MYLK: variants seen among roughly 807,000 people sequenced by gnomAD.
MYLK encodes the protein myosin light chain kinase.
MYLK carries 106 observed loss-of-function variants against 203.4 expected under a neutral mutation model. The observed-to-expected ratio is 0.52, with a 90% CI of 0.45 to 0.61. The LOEUF (loss-of-function observed/expected upper bound fraction) is 0.61. Ranked by LOEUF, MYLK falls within the 20% of genes least tolerant of loss-of-function variation. The probability of loss-of-function intolerance (pLI) is 0.00; values close to 1 mark genes in which losing one functional copy is unlikely to be tolerated. For synonymous variants in MYLK, 867 were observed against 959.5 expected (o/e 0.90, Z 1.78); for missense variants, 2,072 against 2,442.3 (o/e 0.85, Z 3.20).
At chr3:123,625,806 CAA>C (rs11288924) in intron 31 of MYLK, among the ~76,000 whole-genome samples, 105 of 94,984 alleles carry the variant, frequency 1.1e-3, no homozygotes, top group Middle Eastern at 5.7e-3. Flanking sequence ...GACTCCATCT[CAA>C]AAAAAAAAAA....
intron 4 of MYLK, among the ~76,000 whole-genome samples, chr3:123,765,309 T>C (rs932570190): frequency 5.3e-5 from 8 of 152,116 alleles, no homozygotes; most frequent in Admixed American, 4.6e-4. Flanking sequence ...GGCAGGTGGA[T>C]CACCTGAGGT....
chr3:123,873,663 T>G (rs1362696334), intron 2 of MYLK, among the ~76,000 whole-genome samples: 1 of 152,090 alleles, frequency 6.6e-6, no homozygotes, highest in African/African-American at 2.4e-5. Context: ...GGGAAATAGT[T>G]AAGAGCAGAT....
chr3:123,709,317 T>A, intron 14 of MYLK: 1 of 236,142 alleles, frequency 4.2e-6, no homozygotes, highest in Non-Finnish European at 8.4e-6. Context: ...ATTTTTTGTA[T>A]TTTTTAGTAG....
intron 24 of MYLK, among the ~76,000 whole-genome samples, chr3:123,652,129 C>T (rs907113563): frequency 2.6e-5 from 4 of 152,030 alleles, no homozygotes; most frequent in Admixed American, 2.0e-4. Context: ...TCTGCTTTTC[C>T]CTTCTTGTCC....
intron 18 of MYLK, 90 bp downstream of exon 18, chr3:123,699,930 C>T: frequency 1.9e-6 from 3 of 1,576,496 alleles, no homozygotes; most frequent in African/African-American, 2.7e-5. Flanking sequence ...CTATGGGCTG[C>T]TAACAGGGGT....
intron 4 of MYLK, among the ~76,000 whole-genome samples, chr3:123,789,449 G>A (rs1666395605): frequency 6.6e-6 from 1 of 152,124 alleles, no homozygotes; most frequent in Non-Finnish European, 1.5e-5. Context: ...GCACATGGGG[G>A]AGGTTTGGCT....
At position 123,610,875 on chromosome 3, in the gene MYLK, A is replaced by G. The variant is rs930554499; in HGVS notation, c.*3230T>C. ...TCTTTACATAAATTTAGAGCTGACA[A>G]CAGTCAGCATGTCTTATTAGTTGCA... On this transcript the variant is annotated 3_prime_UTR_variant, in exon 34 of 34. Transcript: ENST00000360304. 6.6e-6 allele frequency: 1 copy of G among 152,234 alleles called. No homozygotes were observed. The highest frequency in any genetic ancestry group is 1.5e-5 in the Non-Finnish European group (1 of 68,038). The allele number at this position is 152,234 out of a possible 1,614,324, so 9.4% of individuals were successfully genotyped here.
chr3:123,805,596 G>A (rs988369086), intron 3 of MYLK, among the ~76,000 whole-genome samples: 1 of 152,150 alleles, frequency 6.6e-6, no homozygotes, highest in Admixed American at 6.5e-5. Flanking sequence ...AACACAGCTG[G>A]GGTAACCACC....
At chr3:123,670,675 C>T (rs762106849) in intron 20 of MYLK, among the ~76,000 whole-genome samples, 3 of 151,678 alleles carry the variant, frequency 2.0e-5, no homozygotes, top group Non-Finnish European at 2.9e-5. Context: ...CCCAGGAGTT[C>T]GAGGTTACAG....
chr3:123,875,556 T>G (rs911629010), intron 2 of MYLK, among the ~76,000 whole-genome samples: 1 of 152,218 alleles, frequency 6.6e-6, no homozygotes, highest in African/African-American at 2.4e-5. Context: ...TATGACTATA[T>G]ATACATTTGT....
intron 15 of MYLK, among the ~76,000 whole-genome samples, chr3:123,708,391 A>G (rs1576666841): frequency 6.6e-6 from 1 of 152,302 alleles, no homozygotes; most frequent in Non-Finnish European, 1.5e-5. Flanking sequence ...CCTATAACTC[A>G]CCTCAAAATC....
chr3:123,675,767 T>C (rs973417501), intron 20 of MYLK, among the ~76,000 whole-genome samples: 21 of 152,114 alleles, frequency 1.4e-4, no homozygotes, highest in African/African-American at 4.3e-4. Context: ...ACCCACCCCA[T>C]GAGGCTGTAT....
chr3:123,692,476 G>A (rs1292607138), intron 19 of MYLK: 3 of 1,126,118 alleles, frequency 2.7e-6, no homozygotes, highest in Non-Finnish European at 3.5e-6. Context: ...TTCTGGGTGT[G>A]GGGATCAGGA....
intron 3 of MYLK, among the ~76,000 whole-genome samples, chr3:123,823,777 C>T (rs560951969): frequency 2.0e-5 from 3 of 152,304 alleles, no homozygotes; most frequent in South Asian, 4.1e-4. Context: ...CATCACCCAG[C>T]TCTGGCTCAC....
At chr3:123,816,978 A>G (rs146564215) in intron 3 of MYLK, among the ~76,000 whole-genome samples, 221 of 152,340 alleles carry the variant, frequency 1.5e-3, no homozygotes, top group Non-Finnish European at 2.5e-3. Flanking sequence ...GTTAGCACTG[A>G]GATTTAAGTG....
chr3:123,870,925 C>T (rs145392858), intron 2 of MYLK, among the ~76,000 whole-genome samples: 22 of 152,310 alleles, frequency 1.4e-4, no homozygotes, highest in African/African-American at 5.1e-4. Context: ...ACTGCAGGAA[C>T]TCCAACTCCC....
At chr3:123,763,972 C>T (rs2063620688) in intron 4 of MYLK, among the ~76,000 whole-genome samples, 3 of 152,184 alleles carry the variant, frequency 2.0e-5, no homozygotes, top group African/African-American at 7.2e-5. Context: ...CATTTCTTTT[C>T]ACACTTTTTC....
chr3:123,872,719 ATTGCCAGCACC>A (rs1276147175), intron 2 of MYLK, among the ~76,000 whole-genome samples: 3 of 152,192 alleles, frequency 2.0e-5, no homozygotes, highest in African/African-American at 4.8e-5. Context: ...CTCTCCAGGC[ATTGCCAGCACC>A]TTGCCAGCAT....
chr3:123,730,546 C>A (rs151305485), intron 11 of MYLK, among the ~76,000 whole-genome samples: 1 of 152,208 alleles, frequency 6.6e-6, no homozygotes, highest in African/African-American at 2.4e-5. Context: ...GTATGCTATA[C>A]CCATACAATG....
Sources: allele counts gnomAD v4.1 joint callset (sites outside exome capture counted in the v4.1 genomes callset), GRCh38; gene constraint gnomAD v4.1.1; transcripts MANE v1.5; gene names NCBI Gene and HGNC (gene_info 2026-07-23, HGNC 2026-07-21).